CPSF4L: variants seen among roughly 807,000 people sequenced by gnomAD.
CPSF4L encodes putative cleavage and polyadenylation specificity factor subunit 4-like protein.
CPSF4L carries 18 observed loss-of-function variants against 24.0 expected under a neutral mutation model. The observed-to-expected ratio is 0.75, with a 90% CI of 0.52 to 1.11. CPSF4L has a LOEUF of 1.11. Ranked by LOEUF, CPSF4L falls within the 50% of genes least tolerant of loss-of-function variation. CPSF4L has a pLI of 0.00. For missense variants in CPSF4L, 211 were observed against 221.8 expected (o/e 0.95, Z 0.31); for synonymous variants, 72 against 77.2 (o/e 0.93, Z 0.35).
At chr17:73,257,300 C>T (rs2062027661) in intron 3 of CPSF4L, among the ~76,000 whole-genome samples, 1 of 152,098 alleles carries the variant, frequency 6.6e-6, no homozygotes, top group Non-Finnish European at 1.5e-5. Context: ...GTACAGCAGG[C>T]ATCGTGAATG....
At chr17:73,246,082 T>G (rs139651914), downstream of CPSF4L, among the ~76,000 whole-genome samples, 128 of 152,284 alleles carry the variant, frequency 8.4e-4, no homozygotes, top group African/African-American at 2.9e-3. Flanking sequence ...TTGAGGAAAT[T>G]TAGGCAACGT....
At chr17:73,247,188 CAG>C, downstream of CPSF4L, 2 of 1,540,862 alleles carry the variant, frequency 1.3e-6, no homozygotes, top group Non-Finnish European at 1.8e-6. Flanking sequence ...GTAGTTGCGA[CAG>C]AAACCATATG....
At chr17:73,246,512 G>A (rs1017255799), downstream of CPSF4L, among the ~76,000 whole-genome samples, 2 of 152,172 alleles carry the variant, frequency 1.3e-5, no homozygotes, top group Admixed American at 6.5e-5. Context: ...TTCCAGCCTG[G>A]GTGATGGAAG....
upstream of CPSF4L, chr17:73,261,958 G>A: frequency 1.5e-6 from 1 of 650,812 alleles, no homozygotes; most frequent in Non-Finnish European, 2.7e-6. Context: ...GTGACTGCAG[G>A]GGACGCTCCA....
At chr17:73,244,053 T>A (rs1599396845), downstream of CPSF4L, among the ~76,000 whole-genome samples, 1 of 152,210 alleles carries the variant, frequency 6.6e-6, no homozygotes, top group African/African-American at 2.4e-5. Flanking sequence ...TTTGAACACT[T>A]AAAAAACAAA....
downstream of CPSF4L, chr17:73,245,036 C>A: frequency 2.6e-6 from 2 of 777,474 alleles, no homozygotes; most frequent in South Asian, 1.9e-5. Context: ...GTGAAACAAA[C>A]TTCTCATTGT....
At chr17:73,260,840 C>T in intron 2 of CPSF4L, 93 bp downstream of exon 2, 1 of 1,003,488 alleles carries the variant, frequency 1.0e-6, no homozygotes, top group Non-Finnish European at 1.5e-6. Context: ...AATTCGACAC[C>T]CTATCCCAGG....
chr17:73,243,094 T>TTTG, the CPSF4L span: 11 of 954,822 alleles, frequency 1.2e-5, no homozygotes, highest in Middle Eastern at 2.7e-4. Context: ...TTTTTTTTTT[T>TTTG]TTTTTTTACA....
chr17:73,247,328 C>T (rs1568328237), downstream of CPSF4L: 3 of 1,614,164 alleles, frequency 1.9e-6, no homozygotes, highest in South Asian at 2.2e-5. Context: ...CGCTCTAAAA[C>T]ATGTTTGGAT....
downstream of CPSF4L, chr17:73,245,301 G>A (rs1284394061): frequency 2.1e-6 from 3 of 1,441,214 alleles, no homozygotes; most frequent in East Asian, 2.6e-5. Flanking sequence ...GACAGGGAGA[G>A]GGGAGTGAAA....
Position 73,257,820 on chromosome 17 carries a change from G to A in CPSF4L, c.168C>T (p.Pro56=), listed in dbSNP as rs1568332427. ...TCTTCTCCCCTCGGTCATGTCGGAA[G>A]GGGCAGAGTTTCCCTGGAGATGCCA... The part of the protein sequence containing the change: ...KGLCEKGKLC[P]FRHDRGEKMV... The change falls in exon 3 of 6, where the codon CCC becomes CCT. Residue 56 remains proline (P), a synonymous_variant. Coordinates refer to ENST00000344935, the MANE Select transcript of CPSF4L (RefSeq NM_001129885.1). 6.4e-7 allele frequency: 1 copy of A among 1,551,504 alleles called. No individual in the cohort carries two copies. Among genetic ancestry groups the A allele is most frequent in the Non-Finnish European group, 8.7e-7 (1 of 1,146,912 alleles).
At chr17:73,256,585 A>G (rs932768318) in intron 3 of CPSF4L, among the ~76,000 whole-genome samples, 2 of 152,208 alleles carry the variant, frequency 1.3e-5, no homozygotes, top group African/African-American at 4.8e-5. Context: ...ACTGGACTAG[A>G]TAATCCGTAA....
chr17:73,255,344 TA>T (rs1362242377), intron 3 of CPSF4L, among the ~76,000 whole-genome samples: 4 of 151,732 alleles, frequency 2.6e-5, no homozygotes, highest in African/African-American at 7.3e-5. Flanking sequence ...CCATCTCTAC[TA>T]AAAATACAAA....
At chr17:73,262,664 A>G (rs1169571501), upstream of CPSF4L, among the ~76,000 whole-genome samples, 1 of 152,232 alleles carries the variant, frequency 6.6e-6, no homozygotes, top group African/African-American at 2.4e-5. Flanking sequence ...ATGCTTTCAA[A>G]GGAGCATGTT....
chr17:73,257,552 A>T, intron 3 of CPSF4L, 129 bp downstream of exon 3: 2 of 906,864 alleles, frequency 2.2e-6, no homozygotes, highest in East Asian at 5.3e-5. Context: ...TGAGACTCAG[A>T]CAGGTCTCTC....
chr17:73,256,149 T>C (rs2145279759), intron 3 of CPSF4L, among the ~76,000 whole-genome samples: 1 of 152,370 alleles, frequency 6.6e-6, no homozygotes, highest in Middle Eastern at 3.4e-3. Flanking sequence ...CCTGTATCCA[T>C]GCCCAGGAGC....
chr17:73,258,144 G>A (rs1050107874), intron 2 of CPSF4L, among the ~76,000 whole-genome samples: 1 of 152,010 alleles, frequency 6.6e-6, no homozygotes, highest in African/African-American at 2.4e-5. Context: ...TGAGTAGCTG[G>A]GACTACAGGC....
At chr17:73,252,994 C>T (rs2062011430) in intron 4 of CPSF4L, among the ~76,000 whole-genome samples, 1 of 18,804 alleles carries the variant, frequency 5.3e-5, no homozygotes. Flanking sequence ...ATGCTGTGTC[C>T]TGGAGGACTG....
At chr17:73,247,552 A>C (rs1307635998), downstream of CPSF4L, 1 of 523,006 alleles carries the variant, frequency 1.9e-6, no homozygotes. Context: ...CATAATGAAA[A>C]GGTTTAACTT....
Sources: gnomAD v4.1 joint callset for allele counts (sites outside exome capture counted in the v4.1 genomes callset) on GRCh38, gnomAD v4.1.1 for gene constraint, MANE v1.5 for transcripts, NCBI Gene and HGNC (gene_info 2026-07-23, HGNC 2026-07-21) for gene names.